The following CNOT2 variants were observed in gnomAD, a reference collection of about 807,000 sequenced individuals.
CNOT2 encodes CCR4-NOT transcription complex subunit 2, also known as CC chemokine receptor 4-negative regulator of transcription 2.
CNOT2 carries 7 observed loss-of-function variants against 72.1 expected under a neutral mutation model. The observed-to-expected ratio is 0.10, with a 90% CI of 0.06 to 0.18. The LOEUF is 0.18. CNOT2 is among the 10% of genes least tolerant of loss of function. The pLI is 1.00. For synonymous variants in CNOT2, 196 were observed against 225.6 expected (o/e 0.87, Z 1.17); for missense variants, 345 against 660.3 (o/e 0.52, Z 5.23).
At chr12:70,329,324 T>C in intron 4 of CNOT2, 99 bp from the exon 5 acceptor site, 1 of 845,170 alleles carries the variant, frequency 1.2e-6, no homozygotes. Context: ...CGTACTATGT[T>C]AGGTCATTAA....
At chr12:70,247,396 T>C (rs1296831356) in intron 1 of CNOT2, among the ~76,000 whole-genome samples, 1 of 152,130 alleles carries the variant, frequency 6.6e-6, no homozygotes, top group African/African-American at 2.4e-5. Context: ...CCTCAGACGA[T>C]CCGCCTGCCT....
At chr12:70,266,113 A>G (rs1959027371) in intron 1 of CNOT2, among the ~76,000 whole-genome samples, 1 of 149,164 alleles carries the variant, frequency 6.7e-6, no homozygotes, top group African/African-American at 2.5e-5. Flanking sequence ...TATTATTATT[A>G]TTATTATTTT....
Position 70,346,338 on chromosome 12 carries a change from C to T in CNOT2, c.1536+14C>T. ...AAAGTAGCTAAGGTATATTTCTTTC[C>T]ATGTGCAAATGTATAAATCTAAACT... On this transcript the variant is annotated intron_variant, in intron 15 of 15. Coordinates refer to ENST00000229195, the MANE Select transcript of CNOT2 (RefSeq NM_014515.7). The T allele has an allele frequency of 1.2e-6, 2 of 1,602,754 alleles. No individual in the cohort carries two copies. Among genetic ancestry groups the T allele is most frequent in the Non-Finnish European group, 1.7e-6 (2 of 1,170,304 alleles).
intron 3 of CNOT2, 24 bp downstream of exon 3, chr12:70,311,041 T>G (rs1430448238): frequency 6.4e-7 from 1 of 1,557,814 alleles, no homozygotes; most frequent in Non-Finnish European, 8.8e-7. Flanking sequence ...TTATGTTGTA[T>G]TTTTTCAGCA....
intron 2 of CNOT2, among the ~76,000 whole-genome samples, chr12:70,303,271 G>A (rs1874462435): frequency 6.6e-6 from 1 of 152,254 alleles, no homozygotes; most frequent in African/African-American, 2.4e-5. Flanking sequence ...GATGTTAGCT[G>A]GTGATTTTGC....
intron 1 of CNOT2, among the ~76,000 whole-genome samples, chr12:70,250,477 A>G (rs1386138723): frequency 1.3e-5 from 2 of 152,110 alleles, no homozygotes; most frequent in African/African-American, 2.4e-5. Flanking sequence ...TATTGGATAT[A>G]TGACGGTGAT....
intron 9 of CNOT2, 102 bp from the exon 10 acceptor site, chr12:70,338,341 A>G: frequency 1.0e-6 from 1 of 958,220 alleles, no homozygotes; most frequent in African/African-American, 1.7e-5. Context: ...TTTAACTACC[A>G]ATTTAAATGT....
intron 2 of CNOT2, among the ~76,000 whole-genome samples, chr12:70,304,391 C>G (rs1874795499): frequency 6.6e-6 from 1 of 152,096 alleles, no homozygotes; most frequent in African/African-American, 2.4e-5. Flanking sequence ...GTGTGGATGT[C>G]CTTTCTGTTT....
chr12:70,353,189 C>T (rs1883086504), intron 15 of CNOT2, among the ~76,000 whole-genome samples: 1 of 151,740 alleles, frequency 6.6e-6, no homozygotes, highest in East Asian at 1.9e-4. Flanking sequence ...TCTCCTGCCT[C>T]AGCCTCCTGA....
chr12:70,282,590 G>A (rs771540500), intron 2 of CNOT2, among the ~76,000 whole-genome samples: 4 of 152,086 alleles, frequency 2.6e-5, no homozygotes, highest in Non-Finnish European at 5.9e-5. Context: ...ATCTTTACTA[G>A]TGACTATATA....
chr12:70,309,033 A>C (rs1331397118), intron 2 of CNOT2, among the ~76,000 whole-genome samples: 1 of 152,140 alleles, frequency 6.6e-6, no homozygotes. Flanking sequence ...ATGTGTAGTG[A>C]ATCTTAATTT....
intron 2 of CNOT2, chr12:70,290,796 G>T (rs959509416): frequency 1.3e-5 from 2 of 152,064 alleles, no homozygotes; most frequent in Non-Finnish European, 2.9e-5. Flanking sequence ...AAGATGCTGG[G>T]ATTACAGGTG....
chr12:70,257,526 A>G (rs1414126784), intron 1 of CNOT2, among the ~76,000 whole-genome samples: 1 of 149,714 alleles, frequency 6.7e-6, no homozygotes, highest in Admixed American at 6.6e-5. Flanking sequence ...GTGCCCGGCT[A>G]TTTTTTTGTA....
intron 2 of CNOT2, among the ~76,000 whole-genome samples, chr12:70,283,449 G>T (rs906689972): frequency 6.9e-6 from 1 of 145,380 alleles, no homozygotes; most frequent in Non-Finnish European, 1.5e-5. Flanking sequence ...GACAGAGCAA[G>T]ACCCTCAGTC....
intron 3 of CNOT2, among the ~76,000 whole-genome samples, chr12:70,318,369 T>G (rs997085440): frequency 6.6e-6 from 1 of 151,918 alleles, no homozygotes; most frequent in Non-Finnish European, 1.5e-5. Flanking sequence ...ATTACAAATC[T>G]TTATTTTTTT....
chr12:70,251,494 A>G (rs748295239), intron 1 of CNOT2, among the ~76,000 whole-genome samples: 8 of 152,322 alleles, frequency 5.3e-5, no homozygotes, highest in Admixed American at 2.0e-4. Context: ...AAGTAGCCAC[A>G]GTATGAGGTC....
chr12:70,352,917 G>A (rs1379917476), intron 15 of CNOT2, among the ~76,000 whole-genome samples: 2 of 151,978 alleles, frequency 1.3e-5, no homozygotes, highest in Non-Finnish European at 2.9e-5. Context: ...GTTTTCAAAT[G>A]TTCCTACAGC....
intron 3 of CNOT2, among the ~76,000 whole-genome samples, chr12:70,313,264 G>A (rs1280138867): frequency 6.6e-6 from 1 of 151,740 alleles, no homozygotes; most frequent in East Asian, 1.9e-4. Context: ...TTACTAGTTT[G>A]CATTCTCCAT....
At chr12:70,261,881 T>C (rs916749327) in intron 1 of CNOT2, among the ~76,000 whole-genome samples, 4 of 151,808 alleles carry the variant, frequency 2.6e-5, no homozygotes, top group African/African-American at 9.7e-5. Flanking sequence ...TAATGCAATC[T>C]CTTCACTTGT....
Sources: allele counts gnomAD v4.1 joint callset (sites outside exome capture counted in the v4.1 genomes callset), GRCh38; gene constraint gnomAD v4.1.1; transcripts MANE v1.5; gene names NCBI Gene and HGNC (gene_info 2026-07-23, HGNC 2026-07-21).